PDE4B: variants seen among roughly 807,000 people sequenced by gnomAD.
PDE4B encodes the protein 3',5'-cyclic-AMP phosphodiesterase 4B.
A neutral mutation model predicts 82.2 loss-of-function variants in PDE4B; 20 were observed. That is an observed-to-expected ratio of 0.24 (90% CI 0.17 to 0.35). The LOEUF (loss-of-function observed/expected upper bound fraction) is 0.35. Among genes scored for constraint, PDE4B ranks in the 10% least tolerant of loss-of-function variants. The pLI, the probability that PDE4B is intolerant of heterozygous loss-of-function variation, is 1.00. For missense variants in PDE4B, 655 were observed against 907.2 expected (o/e 0.72, Z 3.57); for synonymous variants, 320 against 318.9 (o/e 1.00, Z -0.04).
chr1:66,128,214 A>T (rs1557581309), intron 3 of PDE4B, among the ~76,000 whole-genome samples: 1 of 152,154 alleles, frequency 6.6e-6, no homozygotes, highest in Non-Finnish European at 1.5e-5. Flanking sequence ...TTATCACATA[A>T]AATGTTTTCT....
intron 3 of PDE4B, among the ~76,000 whole-genome samples, chr1:66,133,896 A>G (rs780544146): frequency 1.2e-4 from 19 of 152,128 alleles, no homozygotes; most frequent in Non-Finnish European, 2.2e-4. Flanking sequence ...CTACTGTCCT[A>G]AAAGCTTTCT....
At chr1:66,096,658 T>C (rs1366806474) in intron 3 of PDE4B, among the ~76,000 whole-genome samples, 1 of 151,080 alleles carries the variant, frequency 6.6e-6, no homozygotes, top group African/African-American at 2.4e-5. Flanking sequence ...TCTTACTTTT[T>C]TACTTTTAAA....
intron 3 of PDE4B, among the ~76,000 whole-genome samples, chr1:66,032,577 G>A (rs1284725621): frequency 6.6e-6 from 1 of 151,960 alleles, no homozygotes; most frequent in Non-Finnish European, 1.5e-5. Flanking sequence ...ATCTTCCCAT[G>A]TGCAAATAGA....
intron 1 of PDE4B, among the ~76,000 whole-genome samples, chr1:65,799,802 G>A (rs1170690488): frequency 6.6e-6 from 1 of 152,100 alleles, no homozygotes; most frequent in Non-Finnish European, 1.5e-5. Context: ...CTGACTGTGC[G>A]AAATACAAAC....
intron 1 of PDE4B, among the ~76,000 whole-genome samples, chr1:65,883,162 C>T (rs1646729100): frequency 6.6e-6 from 1 of 152,066 alleles, no homozygotes; most frequent in African/African-American, 2.4e-5. Flanking sequence ...TCCATATGAA[C>T]TTTAAAGTAG....
chr1:66,060,840 C>T (rs1655547439), intron 3 of PDE4B, among the ~76,000 whole-genome samples: 2 of 152,070 alleles, frequency 1.3e-5, no homozygotes, highest in Admixed American at 1.3e-4. Context: ...GTCAGTGTCT[C>T]CTGCCTTGTG....
chr1:65,976,036 G>A (rs914264457), intron 3 of PDE4B, among the ~76,000 whole-genome samples: 1 of 152,132 alleles, frequency 6.6e-6, no homozygotes, highest in African/African-American at 2.4e-5. Context: ...CTGTCCTCCA[G>A]ACCCCAGAAT....
rs572002663 is a variant in PDE4B, at chr1:65,869,940, G to A, written c.-70-43305G>A. 7.5e-4 allele frequency among the ~76,000 whole-genome samples: 114 copies of A among 151,956 alleles called. 1 individual carries two copies. Among genetic ancestry groups the A allele is most frequent in the African/African-American group, 2.7e-3 (110 of 41,444 alleles). ...GCAATTATAGCCTTTAGTCATTATT[G>A]CCATAACTTCCACTGCTTTCATTAG... On this transcript the variant is annotated intron_variant, in intron 1 of 16. Coordinates refer to ENST00000341517, the MANE Select transcript of PDE4B (RefSeq NM_002600.4).
intron 3 of PDE4B, among the ~76,000 whole-genome samples, chr1:66,022,021 C>A (rs1653152796): frequency 6.6e-6 from 1 of 152,128 alleles, no homozygotes; most frequent in South Asian, 2.1e-4. Context: ...TTGAAGAGGT[C>A]CTTCACATCC....
At chr1:65,891,361 G>A (rs1317580414) in intron 1 of PDE4B, among the ~76,000 whole-genome samples, 1 of 152,018 alleles carries the variant, frequency 6.6e-6, no homozygotes, top group Non-Finnish European at 1.5e-5. Context: ...ATAATTATCA[G>A]CGGTTGGAAG....
At chr1:66,299,877 A>G (rs1343774231) in intron 7 of PDE4B, among the ~76,000 whole-genome samples, 3 of 152,188 alleles carry the variant, frequency 2.0e-5, no homozygotes, top group Non-Finnish European at 4.4e-5. Flanking sequence ...ATTGAATTTT[A>G]TCAAATGCTT....
intron 4 of PDE4B, among the ~76,000 whole-genome samples, chr1:66,252,996 A>C (rs1324925886): frequency 6.6e-6 from 1 of 152,206 alleles, no homozygotes; most frequent in Non-Finnish European, 1.5e-5. Flanking sequence ...AGGACCATCC[A>C]TATAAAAATA....
chr1:65,958,063 C>T (rs549877123), intron 3 of PDE4B, among the ~76,000 whole-genome samples: 1 of 152,012 alleles, frequency 6.6e-6, no homozygotes, highest in South Asian at 2.1e-4. Context: ...TAGTCATGCT[C>T]GTCTTGTTTC....
intron 1 of PDE4B, among the ~76,000 whole-genome samples, chr1:65,887,403 C>CTTT (rs1646801006): frequency 7.3e-5 from 1 of 13,738 alleles, no homozygotes. Context: ...CTTTCTTTTT[C>CTTT]TTTTTCTTCT....
intron 10 of PDE4B, among the ~76,000 whole-genome samples, chr1:66,362,473 G>A (rs1004425104): frequency 6.6e-6 from 1 of 152,146 alleles, no homozygotes; most frequent in Admixed American, 6.5e-5. Context: ...TGTCATTAGA[G>A]GAAGGTTGAT....
Position 66,368,035 on chromosome 1 carries a change from T to C in PDE4B, c.1632T>C (p.Leu544=). The C allele has an allele frequency of 6.2e-7, 1 of 1,613,902 alleles. No homozygotes were observed. The highest frequency in any genetic ancestry group is 8.5e-7 in the Non-Finnish European group (1 of 1,179,848). ...ETKKVTSSGV[L]LLDNYTDRIQ... ...AGAAAGTTACAAGTTCAGGCGTTCT[T>C]CTCCTAGACAACTATACCGATCGCA... The change falls in exon 15 of 17, where the codon CTT becomes CTC. Residue 544 remains leucine, a synonymous_variant. Coordinates refer to ENST00000341517, the MANE Select transcript of PDE4B (RefSeq NM_002600.4).
At chr1:66,121,018 AG>A (rs1426854016) in intron 3 of PDE4B, among the ~76,000 whole-genome samples, 1 of 152,168 alleles carries the variant, frequency 6.6e-6, no homozygotes, top group African/African-American at 2.4e-5. Context: ...GACACTAAAC[AG>A]GTATGTATTT....
At chr1:65,903,299 C>T (rs899457388) in intron 1 of PDE4B, among the ~76,000 whole-genome samples, 8 of 152,066 alleles carry the variant, frequency 5.3e-5, no homozygotes, top group African/African-American at 1.9e-4. Context: ...GTATTAGGTG[C>T]TTGTCAAATT....
At chr1:66,308,780 G>T (rs1212575943) in intron 7 of PDE4B, among the ~76,000 whole-genome samples, 1 of 152,094 alleles carries the variant, frequency 6.6e-6, no homozygotes, top group East Asian at 1.9e-4. Flanking sequence ...ATAAACAAAA[G>T]ATTATGTATA....
Sources: gnomAD v4.1 joint callset for allele counts (sites outside exome capture counted in the v4.1 genomes callset) on GRCh38, gnomAD v4.1.1 for gene constraint, MANE v1.5 for transcripts, NCBI Gene and HGNC (gene_info 2026-07-23, HGNC 2026-07-21) for gene names.